Variants in S100Z observed in about 807,000 individuals in gnomAD.
S100Z encodes the protein protein S100-Z.
In S100Z, 11 loss-of-function variants were observed where a neutral mutation model predicts 8.5. The observed-to-expected ratio is 1.30, with a 90% CI of 0.82 to 2.15. The LOEUF is 2.15. Ranked by LOEUF, S100Z falls within the 30% of genes most tolerant of loss-of-function variation. The pLI is 0.00. For missense variants in S100Z, 126 were observed against 117.9 expected (o/e 1.07, Z -0.32); for synonymous variants, 34 against 43.8 (o/e 0.78, Z 0.89).
chr5:76,904,022 A>T (rs922209160), intron 4 of S100Z, among the ~76,000 whole-genome samples: 3 of 152,034 alleles, frequency 2.0e-5, no homozygotes, highest in Admixed American at 6.6e-5. Flanking sequence ...GGCATGAGCC[A>T]CTGTGCCCGG....
intron 1 of S100Z, among the ~76,000 whole-genome samples, chr5:76,859,414 A>G (rs1364781584): frequency 2.0e-5 from 3 of 152,212 alleles, no homozygotes; most frequent in African/African-American, 7.2e-5. Flanking sequence ...GGAGACAGGT[A>G]GTATTAAAGC....
chr5:76,885,763 G>A (rs975475620), intron 4 of S100Z, among the ~76,000 whole-genome samples: 13 of 150,386 alleles, frequency 8.6e-5, no homozygotes, highest in Non-Finnish European at 1.9e-4. Flanking sequence ...GTGGAGAAGG[G>A]ATAGAGACAC....
At chr5:76,934,172 C>T in the S100Z span, among the ~76,000 whole-genome samples, 1 of 152,140 alleles carries the variant, frequency 6.6e-6, no homozygotes, top group Admixed American at 6.5e-5. Flanking sequence ...CATCCTCTAC[C>T]AAGTGTTTCT....
At chr5:76,868,426 AC>A (rs1742866574) in intron 1 of S100Z, among the ~76,000 whole-genome samples, 1 of 152,154 alleles carries the variant, frequency 6.6e-6, no homozygotes, top group South Asian at 2.1e-4. Flanking sequence ...TTACAGCATT[AC>A]AATTTTCAAT....
intron 1 of S100Z, among the ~76,000 whole-genome samples, chr5:76,866,277 G>T (rs1471842362): frequency 6.6e-6 from 1 of 151,884 alleles, no homozygotes; most frequent in Non-Finnish European, 1.5e-5. Flanking sequence ...CAGAGACAGG[G>T]TTTCACTATG....
chr5:76,902,075 G>A (rs1744249064), intron 4 of S100Z, among the ~76,000 whole-genome samples: 1 of 152,060 alleles, frequency 6.6e-6, no homozygotes, highest in Non-Finnish European at 1.5e-5. Context: ...GGCTGAGCTG[G>A]TATTCAAGAC....
the S100Z span, among the ~76,000 whole-genome samples, chr5:76,934,722 G>A: frequency 6.6e-5 from 10 of 152,340 alleles, no homozygotes; most frequent in Admixed American, 1.3e-4. Flanking sequence ...TGGAAGCAGA[G>A]AGCAGCCCTC....
intron 1 of S100Z, among the ~76,000 whole-genome samples, chr5:76,856,256 A>G (rs1199940994): frequency 6.6e-6 from 1 of 152,132 alleles, no homozygotes; most frequent in East Asian, 1.9e-4. Context: ...CAGTGGCATG[A>G]TATTGGCTCA....
In S100Z at chr5:76,919,902, C is replaced by CTTTCATTTTTTTTT. The variant is rs1333803738; in HGVS notation, c.*3-811_*3-798dup. 6.1e-3 allele frequency among the ~76,000 whole-genome samples: 911 copies of CTTTCATTTTTTTTT among 148,896 alleles called. 6 individuals are homozygous for CTTTCATTTTTTTTT. The highest frequency in any genetic ancestry group is 0.021 in the African/African-American group (849 of 39,908). ...TACAGGTGTGAACCACCATGCCCAGCTTTCATTTTTTTTTTTTTTTTTTTG... is the reference window on the plus strand; with the variant it reads ...TACAGGTGTGAACCACCATGCCCAGCTTTCATTTTTTTTTTTTCATTTTTTTTTTTTTTTTTTTG... On this transcript the variant is annotated intron_variant, in intron 4 of 4. Transcript: ENST00000317593.
At chr5:76,866,593 A>G (rs1742741770) in intron 1 of S100Z, among the ~76,000 whole-genome samples, 1 of 152,160 alleles carries the variant, frequency 6.6e-6, no homozygotes, top group South Asian at 2.1e-4. Flanking sequence ...TCTTTTATAC[A>G]TATTTTTACT....
At position 76,852,158 on chromosome 5, in the gene S100Z, C is replaced by T. The variant is rs139611472; in HGVS notation, c.-176+2003C>T. ...GCAGTCTCGCCTTCTTGGGAGAGCACGGGCTCTCCAATTTCCCACTGGCCT... is the reference window on the plus strand; with the variant it reads ...GCAGTCTCGCCTTCTTGGGAGAGCATGGGCTCTCCAATTTCCCACTGGCCT... On this transcript the variant is annotated intron_variant, in intron 1 of 4. Transcript: ENST00000317593. 4.3e-3 allele frequency among the ~76,000 whole-genome samples: 653 copies of T among 152,198 alleles called. 5 individuals are homozygous for T. Among genetic ancestry groups the T allele is most frequent in the African/African-American group, 0.014 (581 of 41,522 alleles).
chr5:76,922,758 C>T (rs1580073639), downstream of S100Z, among the ~76,000 whole-genome samples: 2 of 152,190 alleles, frequency 1.3e-5, no homozygotes, highest in South Asian at 4.1e-4. Context: ...CTCCTGACCT[C>T]GTGATCTGCC....
intron 4 of S100Z, among the ~76,000 whole-genome samples, chr5:76,893,618 T>C (rs1252813461): frequency 6.6e-6 from 1 of 152,116 alleles, no homozygotes; most frequent in Non-Finnish European, 1.5e-5. Flanking sequence ...TTGAGACAAT[T>C]ATGTTCGGTG....
At chr5:76,852,641 C>T (rs534735976) in intron 1 of S100Z, among the ~76,000 whole-genome samples, 13 of 152,194 alleles carry the variant, frequency 8.5e-5, no homozygotes, top group African/African-American at 3.1e-4. Context: ...ACCCAGGAGG[C>T]GGAGGTTGCA....
intron 4 of S100Z, among the ~76,000 whole-genome samples, chr5:76,895,295 T>C (rs887782044): frequency 3.9e-5 from 6 of 152,174 alleles, no homozygotes; most frequent in Admixed American, 1.3e-4. Context: ...TGCCCCTTCA[T>C]GGAAAGAGAG....
rs546971848 is a variant in S100Z at position 76,902,830 on chromosome 5, T to C, written c.*3-17887T>C. The stretch of plus-strand genomic sequence containing the variant: ...AGGAATAAATAAATTTTGCAAACTA[T>C]ATACGTTACCTTTCACGAAGATAAT... On this transcript the variant is annotated intron_variant, in intron 4 of 4. Transcript: ENST00000317593. Among the ~76,000 whole-genome samples the C allele has an allele frequency of 7.9e-5, 12 of 152,292 alleles. No individual in the cohort carries two copies. The South Asian group carries it at 1.9e-3, about 24-fold the overall frequency.
intron 1 of S100Z, among the ~76,000 whole-genome samples, chr5:76,863,818 G>A (rs1396142471): frequency 2.6e-5 from 4 of 152,234 alleles, no homozygotes; most frequent in African/African-American, 4.8e-5. Flanking sequence ...GATTACAGGT[G>A]TGAGCCACTG....
chr5:76,916,746 A>G (rs1298702339), intron 4 of S100Z, among the ~76,000 whole-genome samples: 1 of 152,210 alleles, frequency 6.6e-6, no homozygotes, highest in African/African-American at 2.4e-5. Flanking sequence ...ATAAAAATGT[A>G]AAGACGATAT....
chr5:76,934,280 G>A, the S100Z span, among the ~76,000 whole-genome samples: 3 of 152,222 alleles, frequency 2.0e-5, no homozygotes, highest in Non-Finnish European at 2.9e-5. Flanking sequence ...CCTTCTAAAC[G>A]ATAATCCTTG....
Sources: allele counts gnomAD v4.1 joint callset (sites outside exome capture counted in the v4.1 genomes callset), GRCh38; gene constraint gnomAD v4.1.1; transcripts MANE v1.5; gene names NCBI Gene and HGNC (gene_info 2026-07-23, HGNC 2026-07-21).